The following DCLK1 variants were observed in gnomAD, a reference collection of about 807,000 sequenced individuals.
The protein encoded by DCLK1 is doublecortin like kinase 1.
A neutral mutation model predicts 86.2 loss-of-function variants in DCLK1; 16 were observed. That is an observed-to-expected ratio of 0.19 (90% CI 0.13 to 0.28). The LOEUF (loss-of-function observed/expected upper bound fraction) is 0.28. Ranked by LOEUF, DCLK1 falls within the 10% of genes least tolerant of loss-of-function variation. The pLI is 1.00. For synonymous variants in DCLK1, 369 were observed against 370.5 expected (o/e 1.00, Z 0.05); for missense variants, 590 against 940.2 (o/e 0.63, Z 4.87).
At chr13:36,101,696 T>C (rs1011396314) in intron 3 of DCLK1, among the ~76,000 whole-genome samples, 2 of 152,156 alleles carry the variant, frequency 1.3e-5, no homozygotes, top group African/African-American at 4.8e-5. Context: ...GCCTTGCTGC[T>C]GCTGTCCCGG....
At position 36,125,994 on chromosome 13, in the gene DCLK1, C is replaced by T; in HGVS notation, c.144G>A (p.Gln48=). 1 of 1,614,178 alleles carries T rather than the reference C, an allele frequency of 6.2e-7. No individual in the cohort carries two copies. ...TGGCCTTCTTCTCGGAGCTGAGCGTCTGCAGCGTGCGGGTGCGGTAGAAGC... is the reference window on the plus strand; with the variant it reads ...TGGCCTTCTTCTCGGAGCTGAGCGTTTGCAGCGTGCGGGTGCGGTAGAAGC... ...HCSFYRTRTL[Q]TLSSEKKAKK... is the part of the protein sequence containing the mutation. Residue 48 remains glutamine, a synonymous_variant, in exon 2 of 17, where the codon CAG becomes CAA. Coordinates refer to ENST00000360631, the MANE Select transcript of DCLK1 (RefSeq NM_001330071.2).
At chr13:35,815,584 A>G (rs1231399774) in intron 11 of DCLK1, among the ~76,000 whole-genome samples, 1 of 152,234 alleles carries the variant, frequency 6.6e-6, no homozygotes, top group African/African-American at 2.4e-5. Context: ...TGACAAAGCC[A>G]TGAAAAAACG....
intron 7 of DCLK1, among the ~76,000 whole-genome samples, chr13:35,837,291 C>T (rs1334478690): frequency 1.3e-5 from 2 of 152,168 alleles, no homozygotes; most frequent in East Asian, 3.9e-4. Context: ...TTCTGGAAAG[C>T]GTTGAACAAA....
chr13:35,929,891 C>G (rs1338719649), intron 4 of DCLK1, among the ~76,000 whole-genome samples: 1 of 135,280 alleles, frequency 7.4e-6, no homozygotes, highest in Non-Finnish European at 1.6e-5. Flanking sequence ...AAAAGCTTAT[C>G]TATGTGTTTA....
intron 3 of DCLK1, among the ~76,000 whole-genome samples, chr13:35,967,767 A>C (rs1878852033): frequency 6.6e-6 from 1 of 151,996 alleles, no homozygotes; most frequent in Non-Finnish European, 1.5e-5. Flanking sequence ...TCCCTCCATT[A>C]TTGTCCTATG....
intron 3 of DCLK1, among the ~76,000 whole-genome samples, chr13:35,968,379 G>A (rs962580467): frequency 2.6e-5 from 4 of 152,146 alleles, no homozygotes; most frequent in South Asian, 2.1e-4. Context: ...GAGCAACAGC[G>A]GTGACCAGTG....
chr13:36,030,633 G>A (rs1882232541), intron 3 of DCLK1, among the ~76,000 whole-genome samples: 1 of 151,926 alleles, frequency 6.6e-6, no homozygotes, highest in Non-Finnish European at 1.5e-5. Flanking sequence ...ACTGAGTCTG[G>A]ATAGTACTTG....
At chr13:36,028,646 C>G (rs1222722915) in intron 3 of DCLK1, among the ~76,000 whole-genome samples, 1 of 152,138 alleles carries the variant, frequency 6.6e-6, no homozygotes, top group Non-Finnish European at 1.5e-5. Flanking sequence ...AGACTGAGGT[C>G]TACTGGGCTG....
At chr13:35,988,940 T>C (rs1449250452) in intron 3 of DCLK1, among the ~76,000 whole-genome samples, 1 of 152,140 alleles carries the variant, frequency 6.6e-6, no homozygotes, top group Non-Finnish European at 1.5e-5. Context: ...GCACACGCCA[T>C]GAAGGACGCA....
intron 4 of DCLK1, among the ~76,000 whole-genome samples, chr13:35,886,722 C>T (rs1273067041): frequency 6.6e-6 from 1 of 152,150 alleles, no homozygotes; most frequent in Non-Finnish European, 1.5e-5. Flanking sequence ...AGTACATGAA[C>T]CAGACAACAC....
At chr13:36,058,235 G>C (rs1193864793) in intron 3 of DCLK1, among the ~76,000 whole-genome samples, 1 of 152,136 alleles carries the variant, frequency 6.6e-6, no homozygotes, top group African/African-American at 2.4e-5. Context: ...CCATTCACTG[G>C]ACAGAGTTGT....
chr13:36,013,807 G>C (rs1881402779), intron 3 of DCLK1, among the ~76,000 whole-genome samples: 1 of 152,190 alleles, frequency 6.6e-6, no homozygotes, highest in Non-Finnish European at 1.5e-5. Flanking sequence ...CTGGGCAATG[G>C]CGGGCGCCCC....
chr13:36,111,808 C>T (rs1885628359), intron 3 of DCLK1, 61 bp downstream of exon 3: 34 of 1,487,122 alleles, frequency 2.3e-5, no homozygotes, highest in Non-Finnish European at 2.7e-5. Flanking sequence ...TAGCCACGTA[C>T]ACCCTCCGAC....
chr13:35,979,692 G>A (rs1879539254), intron 3 of DCLK1, among the ~76,000 whole-genome samples: 1 of 152,176 alleles, frequency 6.6e-6, no homozygotes, highest in Non-Finnish European at 1.5e-5. Context: ...GGCCAATCAC[G>A]GTCATTTACC....
chr13:35,782,475 G>GT (rs1292908055), intron 16 of DCLK1, among the ~76,000 whole-genome samples: 1 of 152,184 alleles, frequency 6.6e-6, no homozygotes, highest in Non-Finnish European at 1.5e-5. Flanking sequence ...TACAAAGCAA[G>GT]TAAGTCAGGG....
At chr13:35,992,107 A>G (rs1880258475) in intron 3 of DCLK1, among the ~76,000 whole-genome samples, 2 of 152,246 alleles carry the variant, frequency 1.3e-5, no homozygotes, top group Non-Finnish European at 2.9e-5. Context: ...TTTTTGATCT[A>G]TAATGAAATC....
intron 12 of DCLK1, 37 bp downstream of exon 12, chr13:35,810,798 T>A (rs1476632267): frequency 6.2e-7 from 1 of 1,605,562 alleles, no homozygotes; most frequent in Non-Finnish European, 8.5e-7. Context: ...CTAGTTCTTT[T>A]GCAAGCATAG....
At chr13:35,993,295 C>A (rs888790729) in intron 3 of DCLK1, among the ~76,000 whole-genome samples, 1 of 152,190 alleles carries the variant, frequency 6.6e-6, no homozygotes, top group East Asian at 1.9e-4. Flanking sequence ...CAACAAGTAA[C>A]CTCAAAACTA....
chr13:36,105,042 T>A (rs1885340731), intron 3 of DCLK1, among the ~76,000 whole-genome samples: 1 of 152,258 alleles, frequency 6.6e-6, no homozygotes, highest in Non-Finnish European at 1.5e-5. Flanking sequence ...CACCCCAATA[T>A]TATGAGGTAT....
Sources: gnomAD v4.1 joint callset for allele counts (sites outside exome capture counted in the v4.1 genomes callset) on GRCh38, gnomAD v4.1.1 for gene constraint, MANE v1.5 for transcripts, NCBI Gene and HGNC (gene_info 2026-07-23, HGNC 2026-07-21) for gene names.